The following ZNF385D variants were observed in gnomAD, a reference collection of about 807,000 sequenced individuals.
The protein encoded by ZNF385D is zinc finger protein 659.
Under a neutral mutation model 35.8 loss-of-function variants are expected in ZNF385D, and 15 were observed. The ratio of observed to expected loss-of-function variants is 0.42; its 90% confidence interval spans 0.28 to 0.64. ZNF385D has a LOEUF of 0.64. Ranked by LOEUF, ZNF385D falls within the 30% of genes least tolerant of loss-of-function variation. The pLI is 0.23. For synonymous variants in ZNF385D, 212 were observed against 186.8 expected (o/e 1.13, Z -1.10); for missense variants, 474 against 494.6 (o/e 0.96, Z 0.39).
intron 3 of ZNF385D, among the ~76,000 whole-genome samples, chr3:22,129,500 G>A (rs1179800033): frequency 6.6e-6 from 1 of 151,940 alleles, no homozygotes; most frequent in Non-Finnish European, 1.5e-5. Flanking sequence ...GAATTGGCTT[G>A]GTGCTTTCTT....
intron 3 of ZNF385D, among the ~76,000 whole-genome samples, chr3:21,874,450 T>C (rs1697859347): frequency 6.6e-6 from 1 of 152,118 alleles, no homozygotes; most frequent in African/African-American, 2.4e-5. Context: ...TCCCACTCTG[T>C]ATTGCCTCTT....
At chr3:22,235,861 A>C (rs1394889642) in intron 2 of ZNF385D, among the ~76,000 whole-genome samples, 1 of 152,162 alleles carries the variant, frequency 6.6e-6, no homozygotes, top group Non-Finnish European at 1.5e-5. Context: ...AATTTAAAAA[A>C]GTGCCCAGAT....
chr3:22,213,303 AT>A (rs1697646165), intron 2 of ZNF385D, among the ~76,000 whole-genome samples: 1 of 152,124 alleles, frequency 6.6e-6, no homozygotes, highest in African/African-American at 2.4e-5. Context: ...TATTTTTTAT[AT>A]TTACAACCAT....
At chr3:21,436,902 G>A (rs1443394726) in intron 5 of ZNF385D, 68 bp downstream of exon 5, 2 of 1,434,828 alleles carry the variant, frequency 1.4e-6, no homozygotes, top group African/African-American at 2.8e-5. Context: ...TGCTGCAAAA[G>A]ATCTAATCTA....
chr3:22,146,143 GATTA>G (rs1559406424), intron 3 of ZNF385D, among the ~76,000 whole-genome samples: 1 of 152,104 alleles, frequency 6.6e-6, no homozygotes, highest in African/African-American at 2.4e-5. Flanking sequence ...TCGAAGAAAG[GATTA>G]ATTAGTCTAA....
chr3:21,909,582 TTCTTATCATC>T (rs142461159), intron 3 of ZNF385D, among the ~76,000 whole-genome samples: 8,421 of 152,106 alleles, frequency 0.055, 389 homozygotes, highest in South Asian at 0.21. Context: ...TTCTGCTTCA[TTCTTATCATC>T]TCCAACTCAA....
At chr3:22,290,703 A>C (rs749315271) in intron 2 of ZNF385D, among the ~76,000 whole-genome samples, 1 of 152,130 alleles carries the variant, frequency 6.6e-6, no homozygotes, top group Non-Finnish European at 1.5e-5. Flanking sequence ...ATCAGAGATA[A>C]CAGCAAACAA....
chr3:21,696,915 T>C (rs913203575), intron 1 of ZNF385D, among the ~76,000 whole-genome samples: 1 of 152,346 alleles, frequency 6.6e-6, no homozygotes, highest in Non-Finnish European at 1.5e-5. Context: ...CCTGTTTGTA[T>C]CCTGTTAATA....
chr3:22,077,993 G>A (rs767448384), intron 3 of ZNF385D, among the ~76,000 whole-genome samples: 1 of 151,918 alleles, frequency 6.6e-6, no homozygotes, highest in African/African-American at 2.4e-5. Context: ...CAAAAATTGG[G>A]TTGGCCAAAT....
chr3:22,323,439 T>C (rs1356249928), intron 2 of ZNF385D, among the ~76,000 whole-genome samples: 1 of 152,092 alleles, frequency 6.6e-6, no homozygotes, highest in Non-Finnish European at 1.5e-5. Context: ...GTCCTAAGAT[T>C]CCCTATACAC....
At chr3:21,513,478 T>C (rs1425626121) in intron 3 of ZNF385D, among the ~76,000 whole-genome samples, 3 of 152,216 alleles carry the variant, frequency 2.0e-5, no homozygotes, top group Non-Finnish European at 4.4e-5. Context: ...TGATAATAAT[T>C]ATTTTAATTA....
chr3:22,198,997 G>C (rs966438893), intron 2 of ZNF385D, among the ~76,000 whole-genome samples: 2 of 151,968 alleles, frequency 1.3e-5, no homozygotes, highest in African/African-American at 4.8e-5. Flanking sequence ...ATCTACTACT[G>C]TTTAATAAGT....
chr3:21,838,373 G>A (rs1417253836), intron 3 of ZNF385D, among the ~76,000 whole-genome samples: 1 of 152,090 alleles, frequency 6.6e-6, no homozygotes, highest in Non-Finnish European at 1.5e-5. Context: ...CAAAGGTGAT[G>A]GTCAGTCAGA....
chr3:22,030,276 T>TATATATCCTATACAAATAACAAATACG (rs1553591274), intron 3 of ZNF385D, among the ~76,000 whole-genome samples: 2 of 103,612 alleles, frequency 1.9e-5, no homozygotes, highest in African/African-American at 7.9e-5. Context: ...TATATATATA[T>TATATATCCTATACAAATAACAAATACG]ATATATATAT....
chr3:21,922,459 G>A (rs1453827077), intron 3 of ZNF385D, among the ~76,000 whole-genome samples: 2 of 152,138 alleles, frequency 1.3e-5, no homozygotes, highest in Non-Finnish European at 2.9e-5. Flanking sequence ...CAATGGAACA[G>A]AATAGACAAC....
chr3:21,487,042 G>A (rs892947682), intron 4 of ZNF385D, among the ~76,000 whole-genome samples: 1 of 152,050 alleles, frequency 6.6e-6, no homozygotes, highest in African/African-American at 2.4e-5. Context: ...GGTATCAAAA[G>A]CAAGTTCTTA....
chr3:21,732,026 CGGGGTTTTTTTTT>C lies in ZNF385D; in HGVS notation c.22+18856_22+18868del, dbSNP rs2069023855. Reference sequence around the variant, plus strand: ...TCTATTCAGGGTTTTTTTCTTTTTTCGGGGTTTTTTTTTTTTTTTTTTTTTTTTTTTTTTTTTT... The same window carrying C: ...TCTATTCAGGGTTTTTTTCTTTTTTCTTTTTTTTTTTTTTTTTTTTTTTTT... On this transcript the variant is annotated intron_variant, in intron 1 of 7. Coordinates refer to ENST00000281523, the MANE Select transcript of ZNF385D (RefSeq NM_024697.3). Among the ~76,000 whole-genome samples, 4 of 24,120 alleles carry C rather than the reference CGGGGTTTTTTTTT, an allele frequency of 1.7e-4. 1 individual carries two copies. The highest frequency in any genetic ancestry group is 5.9e-4 in the African/African-American group (2 of 3,392). 15.8% of individuals were successfully genotyped at this position (24,120 alleles called of 152,430 possible).
intron 1 of ZNF385D, among the ~76,000 whole-genome samples, chr3:21,736,248 C>T (rs933501568): frequency 1.4e-4 from 22 of 152,138 alleles, no homozygotes; most frequent in Admixed American, 1.2e-3. Context: ...GTGACATCAT[C>T]GCTGCTTGGA....
chr3:22,189,652 G>A (rs10513640), intron 2 of ZNF385D, among the ~76,000 whole-genome samples: 20,374 of 152,040 alleles, frequency 0.13, 1,474 homozygotes, highest in East Asian at 0.24. Flanking sequence ...CTAGAAAGAG[G>A]CATTACAGAA....
Sources: gnomAD v4.1 joint callset for allele counts (sites outside exome capture counted in the v4.1 genomes callset) on GRCh38, gnomAD v4.1.1 for gene constraint, MANE v1.5 for transcripts, NCBI Gene and HGNC (gene_info 2026-07-23, HGNC 2026-07-21) for gene names.